The following IVD variants were observed in gnomAD, a reference collection of about 807,000 sequenced individuals.
The protein encoded by IVD is isovaleryl-CoA dehydrogenase, mitochondrial.
In IVD, 31 loss-of-function variants were observed where a neutral mutation model predicts 51.3. The ratio of observed to expected loss-of-function variants is 0.60; its 90% confidence interval spans 0.45 to 0.81. The LOEUF (loss-of-function observed/expected upper bound fraction) is 0.81, where lower values mean the gene tolerates loss of function less well. Ranked by LOEUF, IVD falls within the 40% of genes least tolerant of loss-of-function variation. The probability of loss-of-function intolerance (pLI) is 0.00; values close to 1 mark genes in which losing one functional copy is unlikely to be tolerated. For missense variants in IVD, 475 were observed against 552.0 expected, an observed-to-expected ratio of 0.86 and a Z score of 1.40; for synonymous variants, 205 against 219.4, an observed-to-expected ratio of 0.93 and a Z score of 0.58.
chr15:40,415,139 T>C (rs1891518442), intron 8 of IVD, 157 bp downstream of exon 8: 3 of 857,548 alleles, frequency 3.5e-6, no homozygotes, highest in African/African-American at 1.7e-5. Flanking sequence ...TCTTCCCATG[T>C]TGAATTTCTT....
Position 40,414,911 on chromosome 15 carries a change from G to A in IVD, c.807G>A (p.Glu269=). The A allele has an allele frequency of 2.5e-6, 4 of 1,614,174 alleles. No individual in the cohort carries two copies. The highest frequency in any genetic ancestry group is 3.4e-6 in the Non-Finnish European group (4 of 1,180,022). Reference sequence around the variant, plus strand: ...CAGCTGCCAACATCCTGGGCCATGAGAATAAGGGTGTCTACGTGCTGATGA... The same window carrying A: ...CAGCTGCCAACATCCTGGGCCATGAAAATAAGGGTGTCTACGTGCTGATGA... ...KIPAANILGH[E]NKGVYVLMSG... is the part of the protein sequence containing the mutation. Residue 269 remains glutamate (E), a synonymous_variant, in exon 8 of 12, where the codon GAG becomes GAA. Coordinates refer to ENST00000487418, the MANE Select transcript of IVD (RefSeq NM_002225.5).
chr15:40,416,267 C>T, intron 10 of IVD, 23 bp from the exon 11 acceptor site: 5 of 1,614,064 alleles, frequency 3.1e-6, no homozygotes, highest in Non-Finnish European at 4.2e-6. Flanking sequence ...CAGGGCCCTG[C>T]TGACCCCAGC....
At chr15:40,421,710 GTCCTAATTCTAAA>G (rs1042629227), downstream of IVD, among the ~76,000 whole-genome samples, 21 of 152,208 alleles carry the variant, frequency 1.4e-4, no homozygotes, top group African/African-American at 5.1e-4. Context: ...AGGAGCCTAA[GTCCTAATTCTAAA>G]TCCATATAAT....
downstream of IVD, among the ~76,000 whole-genome samples, chr15:40,421,576 A>T (rs1300941920): frequency 6.6e-6 from 1 of 152,142 alleles, no homozygotes; most frequent in Non-Finnish European, 1.5e-5. Flanking sequence ...CCCTTATCAA[A>T]ATTTGGCAAC....
chr15:40,435,457 C>T, exon 9 of IVD: 6 of 1,239,720 alleles, frequency 4.8e-6, no homozygotes, highest in Non-Finnish European at 6.3e-6. Flanking sequence ...GGAGGGAGGG[C>T]GAGACCCGAG....
At position 40,433,915 on chromosome 15, in the gene IVD, G is replaced by A; in HGVS notation, c.780+1G>A. The stretch of plus-strand genomic sequence containing the variant: ...ATCTGCTCCTGGGGCAATAATGAAG[G>A]TACTATTAGAGATTGGCATGAGAAT... On this transcript the variant is annotated splice_donor_variant, in intron 8 of 8. Coordinates refer to the IVD transcript ENST00000473112. LOFTEE classifies it high-confidence loss of function. 2 of 456,666 alleles carry A rather than the reference G, an allele frequency of 4.4e-6. No homozygotes were observed. Among genetic ancestry groups the A allele is most frequent in the South Asian group, 3.1e-5 (2 of 64,558 alleles). 28.3% of individuals were successfully genotyped at this position (456,666 alleles called of 1,614,324 possible). A position where few individuals can be genotyped will look rare whatever the true frequency, so the allele number is the denominator to read the frequency against.
intron 1 of IVD, chr15:40,406,417 G>A (rs1008348270): frequency 3.5e-6 from 4 of 1,158,586 alleles, no homozygotes; most frequent in African/African-American, 1.6e-5. Flanking sequence ...AACAGTTTGG[G>A]GGTTTTAAAA....
At chr15:40,418,010 TG>T in intron 11 of IVD, 119 bp from the exon 12 acceptor site, 3 of 1,428,686 alleles carry the variant, frequency 2.1e-6, no homozygotes, top group Non-Finnish European at 2.9e-6. Context: ...TGCTACCTTT[TG>T]CTGCTTTTCT....
chr15:40,411,738 G>A (rs764280788), intron 6 of IVD, 47 bp downstream of exon 6: 1 of 1,603,466 alleles, frequency 6.2e-7, no homozygotes, highest in South Asian at 1.1e-5. Flanking sequence ...CCTCCTGACA[G>A]TGGTACCAGA....
At chr15:40,408,612 T>G (rs1890716558) in intron 3 of IVD, among the ~76,000 whole-genome samples, 1 of 151,996 alleles carries the variant, frequency 6.6e-6, no homozygotes, top group African/African-American at 2.4e-5. Context: ...TTGGATGATA[T>G]TAACGTCTGA....
At chr15:40,416,824 ACTG>A (rs927048452) in intron 11 of IVD, among the ~76,000 whole-genome samples, 2 of 152,298 alleles carry the variant, frequency 1.3e-5, no homozygotes, top group African/African-American at 4.8e-5. Flanking sequence ...AAATGAGAAA[ACTG>A]CTAGATGCCA....
At chr15:40,412,798 A>G in intron 6 of IVD, 193 bp from the exon 7 acceptor site, 1 of 594,146 alleles carries the variant, frequency 1.7e-6, no homozygotes, top group African/African-American at 1.9e-5. Flanking sequence ...AGCTAGTGGC[A>G]GAGGAGGCTG....
intron 7 of IVD, among the ~76,000 whole-genome samples, chr15:40,429,832 G>A (rs1042533957): frequency 6.6e-6 from 1 of 152,216 alleles, no homozygotes; most frequent in African/African-American, 2.4e-5. Context: ...AGCTTCTCAG[G>A]GAAGCCATCT....
rs538989253 is a variant in IVD, at chr15:40,407,218, G to A, written c.145-418G>A. On this transcript the variant is annotated intron_variant, in intron 1 of 11. Transcript: ENST00000487418. ...ATCAGACCCTTTTAGCCAAAGGTTC[G>A]GGGGCTTAAAAGAGCCTGACAACTA... Among the ~76,000 whole-genome samples, 7 of 152,336 alleles carry A rather than the reference G, an allele frequency of 4.6e-5. No homozygotes were observed. The East Asian group carries it at 1.2e-3, about 25-fold the overall frequency.
intron 7 of IVD, chr15:40,413,324 G>A (rs1301819023): frequency 2.1e-5 from 12 of 565,040 alleles, no homozygotes; most frequent in Admixed American, 8.4e-5. Context: ...CTCAGTAGCC[G>A]GAGGAGAAGG....
At chr15:40,427,362 CGCT>C (rs1311190401), downstream of IVD, among the ~76,000 whole-genome samples, 4 of 152,336 alleles carry the variant, frequency 2.6e-5, no homozygotes, top group East Asian at 7.7e-4. Flanking sequence ...CTGTCAGACA[CGCT>C]GCAGGAGCAG....
In IVD at chr15:40,413,063, A is replaced by C. The variant is rs762033112; in HGVS notation, c.760A>C (p.Ile254Leu). 1 of 1,613,922 alleles carries C rather than the reference A, an allele frequency of 6.2e-7. No homozygotes were observed. Among genetic ancestry groups the C allele is most frequent in the Non-Finnish European group, 8.5e-7 (1 of 1,179,932 alleles). The change falls in exon 7 of 12, where the codon ATC (isoleucine) becomes CTC (leucine). Residue 254 changes from isoleucine (I) to leucine (L), a missense_variant. Transcript: ENST00000487418. ...GAGGGGCTCTAACACCTGTGAGCTA[A>C]TCTTTGAAGACTGCAAGATTCCTGG... is the stretch of plus-strand genomic sequence containing the variant. ...GMRGSNTCEL[I>L]FEDCKIPAAN...
chr15:40,429,533 G>A (rs986137541), intron 7 of IVD, among the ~76,000 whole-genome samples: 1 of 152,306 alleles, frequency 6.6e-6, no homozygotes, highest in Middle Eastern at 3.4e-3. Flanking sequence ...GTTTGCTGCC[G>A]TATCCCCAGC....
At chr15:40,411,806 AGAGG>A in intron 6 of IVD, 115 bp downstream of exon 6, 1 of 1,303,778 alleles carries the variant, frequency 7.7e-7, no homozygotes, top group Non-Finnish European at 1.1e-6. Flanking sequence ...CAAGGCCCCC[AGAGG>A]TGGGGGTGAG....
Sources: allele counts gnomAD v4.1 joint callset (sites outside exome capture counted in the v4.1 genomes callset), GRCh38; gene constraint gnomAD v4.1.1; transcripts MANE v1.5; gene names NCBI Gene and HGNC (gene_info 2026-07-23, HGNC 2026-07-21).